RBM20: variants seen among roughly 807,000 people sequenced by gnomAD.
The protein encoded by RBM20 is RNA binding motif protein 20.
Under a neutral mutation model 110.1 loss-of-function variants are expected in RBM20, and 51 were observed. The ratio of observed to expected loss-of-function variants is 0.46; its 90% CI spans 0.37 to 0.59. The LOEUF is 0.59. RBM20 is among the 20% of genes least tolerant of loss of function. RBM20 has a pLI of 0.00. For missense variants in RBM20, 1,512 were observed against 1,574.9 expected (o/e 0.96, Z 0.68); for synonymous variants, 589 against 618.2 (o/e 0.95, Z 0.70).
intron 1 of RBM20, among the ~76,000 whole-genome samples, chr10:110,665,974 G>A (rs1338330555): frequency 2.2e-5 from 3 of 135,622 alleles, no homozygotes; most frequent in African/African-American, 8.5e-5. Context: ...AATTAGCCCA[G>A]TGTGATGGCA....
At chr10:110,778,025 T>G (rs1844289904) in intron 1 of RBM20, among the ~76,000 whole-genome samples, 1 of 152,194 alleles carries the variant, frequency 6.6e-6, no homozygotes, top group Non-Finnish European at 1.5e-5. Context: ...TGACCATCCA[T>G]TCTCCTCTTC....
At position 110,685,813 on chromosome 10, in the gene RBM20, A is replaced by G. The variant is rs527307105; in HGVS notation, c.191+41168A>G. ...TCAGGGCAAGACTTTTTTTTTCGGT[A>G]TGCTTTGTGAAACAAATTGAAACTA... is the stretch of plus-strand genomic sequence containing the variant. On this transcript the variant is annotated intron_variant, in intron 1 of 13. Coordinates refer to ENST00000369519, the MANE Select transcript of RBM20 (RefSeq NM_001134363.3). Among the ~76,000 whole-genome samples the G allele has an allele frequency of 2.0e-5, 3 of 152,236 alleles. No homozygotes were observed. The South Asian group carries it at 6.2e-4, about 32-fold the overall frequency.
intron 1 of RBM20, among the ~76,000 whole-genome samples, chr10:110,762,655 C>T (rs1370494410): frequency 1.3e-5 from 2 of 152,210 alleles, no homozygotes; most frequent in African/African-American, 4.8e-5. Context: ...TACCAGAATC[C>T]TGAAGGTAGG....
chr10:110,658,745 T>C (rs544902626), intron 1 of RBM20, among the ~76,000 whole-genome samples: 13 of 152,048 alleles, frequency 8.5e-5, no homozygotes, highest in Non-Finnish European at 1.8e-4. Flanking sequence ...ATGGAAGGCC[T>C]TTCCAGATCT....
chr10:110,781,242 A>G lies in RBM20; in HGVS notation c.633A>G (p.Ala211=), dbSNP rs977404016. 1 of 1,551,678 alleles carries G rather than the reference A, an allele frequency of 6.4e-7. No homozygotes were observed. Among genetic ancestry groups the G allele is most frequent in the African/African-American group, 1.4e-5 (1 of 73,180 alleles). The change falls in exon 2 of 14, where the codon GCA becomes GCG. Residue 211 remains alanine (A), a synonymous_variant. Transcript: ENST00000369519. ...TGCCTCAGACCCCTGGCCAGCCAGC[A>G]GTCATCTTGGGCATTGGCAAGACTG... ...GVMPQTPGQP[A]VILGIGKTGP... is the part of the protein sequence containing the mutation.
chr10:110,797,631 A>T lies in RBM20; in HGVS notation c.1651A>T (p.Met551Leu). The T allele has an allele frequency of 6.4e-7, 1 of 1,551,786 alleles. No homozygotes were observed. ...TGGAAAGGTCACTAATTACATCCTC[A>T]TGAAGTCGACTAATCAGGTAGGTCT... Reference protein sequence around the residue: ...PFGKVTNYILMKSTNQAFLEM... With the variant: ...PFGKVTNYILLKSTNQAFLEM... The change falls in exon 6 of 14, where the codon ATG becomes TTG. Residue 551 changes from methionine (M) to leucine (L), a missense_variant. Met to Leu is a conservative substitution (Grantham distance 15). Around this residue, in one of 3 missense-constraint regions of RBM20, gnomAD observed 1,149 missense variants for 1,169.4 expected, o/e 0.98. Coordinates refer to ENST00000369519, the MANE Select transcript of RBM20 (RefSeq NM_001134363.3).
chr10:110,824,285 A>G (rs965635323), intron 12 of RBM20, among the ~76,000 whole-genome samples: 1 of 152,228 alleles, frequency 6.6e-6, no homozygotes, highest in African/African-American at 2.4e-5. Flanking sequence ...CATAAAGTCA[A>G]CAAAAATGAA....
intron 5 of RBM20, among the ~76,000 whole-genome samples, chr10:110,786,748 C>G (rs1036132813): frequency 2.6e-5 from 4 of 152,234 alleles, no homozygotes; most frequent in African/African-American, 9.6e-5. Context: ...GGAGGCACCT[C>G]TGTGCTCACA....
At chr10:110,743,957 A>G (rs1843749791) in intron 1 of RBM20, among the ~76,000 whole-genome samples, 1 of 152,142 alleles carries the variant, frequency 6.6e-6, no homozygotes, top group South Asian at 2.1e-4. Flanking sequence ...GGAAGAGATC[A>G]GCTTCTCTTC....
chr10:110,831,387 A>C, intron 13 of RBM20: 1 of 512,508 alleles, frequency 2.0e-6, no homozygotes, highest in East Asian at 3.2e-5. Flanking sequence ...CTACATGGAA[A>C]ACCCCTAATC....
chr10:110,807,504 G>C (rs1844709489), intron 7 of RBM20, among the ~76,000 whole-genome samples: 1 of 152,216 alleles, frequency 6.6e-6, no homozygotes, highest in Admixed American at 6.5e-5. Context: ...AAGGGCCTGG[G>C]GGTGCCATCT....
chr10:110,735,300 C>T (rs1027109448), intron 1 of RBM20, among the ~76,000 whole-genome samples: 2 of 152,096 alleles, frequency 1.3e-5, no homozygotes, highest in Admixed American at 6.5e-5. Context: ...ACATATCCCC[C>T]CATTGCAGAT....
chr10:110,781,709 G>C lies in RBM20; in HGVS notation c.1100G>C (p.Arg367Pro). The change falls in exon 2 of 14, where the codon CGG (arginine) becomes CCG (proline). Residue 367 changes from arginine to proline, a missense_variant. Physicochemically the swap from Arg to Pro is moderately radical, Grantham distance 103. This residue lies in a region of RBM20 where 1,149 missense variants were observed against 1,169.4 expected (regional missense o/e 0.98). Transcript: ENST00000369519. ...SDRTPPSFGG[R>P]LNNSKQGFIG... is the part of the protein sequence containing the mutation. ...AGGACACCTCCTTCCTTCGGGGGTC[G>C]GCTTAACAACAGCAAACAGGGTTTT... 6.4e-7 allele frequency: 1 copy of C among 1,551,052 alleles called. No homozygotes were observed. Among genetic ancestry groups the C allele is most frequent in the African/African-American group, 1.4e-5 (1 of 73,160 alleles).
chr10:110,831,784 C>T (rs1404338429), intron 13 of RBM20, among the ~76,000 whole-genome samples: 1 of 151,166 alleles, frequency 6.6e-6, no homozygotes, highest in African/African-American at 2.4e-5. Flanking sequence ...ACCAGGGATA[C>T]TGGAACAACA....
intron 1 of RBM20, among the ~76,000 whole-genome samples, chr10:110,748,239 A>AT (rs1388382137): frequency 6.6e-6 from 1 of 152,242 alleles, no homozygotes; most frequent in Non-Finnish European, 1.5e-5. Context: ...AACCAAAAGA[A>AT]TGTGGGAACA....
intron 1 of RBM20, among the ~76,000 whole-genome samples, chr10:110,750,143 A>G (rs1228167135): frequency 6.6e-6 from 1 of 152,242 alleles, no homozygotes; most frequent in Non-Finnish European, 1.5e-5. Context: ...AAATGATAAA[A>G]ATGTTAACAT....
intron 1 of RBM20, among the ~76,000 whole-genome samples, chr10:110,762,319 T>C (rs1844016997): frequency 1.3e-5 from 2 of 152,242 alleles, no homozygotes; most frequent in South Asian, 4.1e-4. Context: ...CACTCCTTCC[T>C]TGCCTGGCAC....
At chr10:110,644,275 G>A (rs1861831254), upstream of RBM20, 2 of 432,024 alleles carry the variant, frequency 4.6e-6, no homozygotes, top group South Asian at 1.2e-4. The surrounding 1 kb of genome is among the most constrained non-coding windows in gnomAD (Gnocchi z 4.3). Flanking sequence ...ACGAGCTGGA[G>A]CAGCGGGAGG....
chr10:110,808,992 A>C (rs1455764726), intron 7 of RBM20, among the ~76,000 whole-genome samples: 2 of 152,034 alleles, frequency 1.3e-5, no homozygotes, highest in African/African-American at 4.8e-5. Context: ...AGGCAGGAGG[A>C]TTGCTTGAGC....
Sources: allele counts gnomAD v4.1 joint callset (sites outside exome capture counted in the v4.1 genomes callset), GRCh38; gene constraint gnomAD v4.1.1; regional missense constraint gnomAD v4.1.1; non-coding constraint Gnocchi (gnomAD v3.1); transcripts MANE v1.5; gene names NCBI Gene and HGNC (gene_info 2026-07-23, HGNC 2026-07-21).